ASTN2: variants seen among roughly 807,000 people sequenced by gnomAD.
The protein encoded by ASTN2 is astrotactin-2.
In ASTN2, 54 loss-of-function variants were observed where a neutral mutation model predicts 139.8. The observed-to-expected ratio is 0.39, with a 90% CI of 0.31 to 0.48. The LOEUF is 0.48. Among genes scored for constraint, ASTN2 ranks in the 20% least tolerant of loss-of-function variants. The pLI is 0.95. For missense variants in ASTN2, 1,565 were observed against 1,725.1 expected (o/e 0.91, Z 1.64); for synonymous variants, 756 against 719.5 (o/e 1.05, Z -0.81).
At chr9:117,382,274 G>T (rs942680519) in intron 1 of ASTN2, among the ~76,000 whole-genome samples, 2 of 152,150 alleles carry the variant, frequency 1.3e-5, no homozygotes, top group African/African-American at 4.8e-5. Context: ...AGTATGACTA[G>T]GTGTGGAGGA....
At chr9:116,475,434 C>T (rs768083877) in intron 20 of ASTN2, among the ~76,000 whole-genome samples, 9 of 152,300 alleles carry the variant, frequency 5.9e-5, no homozygotes, top group Non-Finnish European at 8.8e-5. Flanking sequence ...CACTGCCCAC[C>T]GAGACTTCCA....
intron 3 of ASTN2, among the ~76,000 whole-genome samples, chr9:117,177,370 T>G (rs975262761): frequency 6.6e-6 from 1 of 152,154 alleles, no homozygotes; most frequent in Non-Finnish European, 1.5e-5. Flanking sequence ...AGCTGTGAAG[T>G]GGAGAAACCT....
In ASTN2 at chr9:116,595,351, G is replaced by A. The variant is rs549208311; in HGVS notation, c.3355+22973C>T. Among the ~76,000 whole-genome samples, 28 of 147,130 alleles carry A rather than the reference G, an allele frequency of 1.9e-4. No homozygotes were observed. In the East Asian group the frequency reaches 5.2e-3, roughly 28 times the overall value. The stretch of plus-strand genomic sequence containing the variant: ...TTGTTGCTGTTGTTGTTGTTGAGAC[G>A]GAGTCTCACTCTGTTGCCCAGGCTG... On this transcript the variant is annotated intron_variant, in intron 19 of 22. Transcript: ENST00000313400.
At chr9:116,499,091 T>A (rs554102497) in intron 19 of ASTN2, among the ~76,000 whole-genome samples, 1 of 152,316 alleles carries the variant, frequency 6.6e-6, no homozygotes, top group East Asian at 1.9e-4. Context: ...AAATCCAAAC[T>A]GCCCACTCTC....
chr9:116,703,164 T>C (rs995028908), intron 16 of ASTN2, among the ~76,000 whole-genome samples: 4 of 151,430 alleles, frequency 2.6e-5, no homozygotes, highest in Admixed American at 2.6e-4. Context: ...TTTTAATGAT[T>C]GCCATTCTAA....
intron 7 of ASTN2, among the ~76,000 whole-genome samples, chr9:116,986,564 A>G (rs1016568445): frequency 6.6e-6 from 1 of 152,188 alleles, no homozygotes; most frequent in Non-Finnish European, 1.5e-5. Flanking sequence ...GGAGGGTAAC[A>G]ATAAGAGAAA....
chr9:117,293,962 T>C (rs1433571789), intron 1 of ASTN2, among the ~76,000 whole-genome samples: 1 of 152,204 alleles, frequency 6.6e-6, no homozygotes, highest in South Asian at 2.1e-4. Flanking sequence ...CTACATCTGG[T>C]TGACACAGCC....
Position 116,699,045 on chromosome 9 carries a change from G to A in ASTN2, c.2806+26726C>T, listed in dbSNP as rs1861037722. 6.8e-6 allele frequency: 11 copies of A among 1,614,160 alleles called. No homozygotes were observed. Among genetic ancestry groups the A allele is most frequent in the Non-Finnish European group, 6.8e-6 (8 of 1,180,030 alleles). On this transcript the variant is annotated intron_variant, in intron 16 of 22. Transcript: ENST00000313400. The surrounding 1 kb of genome is among the most constrained non-coding windows in gnomAD (Gnocchi z 4.2). ...ACCCAACCTCACTCCTCTCTCAGTG[G>A]CAATGAACTGCCAGGGGCTGATTGG...
At chr9:116,803,517 TA>T (rs1830944984) in intron 13 of ASTN2, among the ~76,000 whole-genome samples, 243 of 8,360 alleles carry the variant, frequency 0.029, 1 homozygote, top group Non-Finnish European at 0.031. Context: ...TATATATATA[TA>T]TATATTTTTT....
intron 1 of ASTN2, among the ~76,000 whole-genome samples, chr9:117,405,839 T>G (rs868797463): frequency 2.6e-5 from 4 of 152,150 alleles, no homozygotes; most frequent in African/African-American, 9.7e-5. Flanking sequence ...CAAGACAGAG[T>G]CTTCTCCAAA....
intron 1 of ASTN2, among the ~76,000 whole-genome samples, chr9:117,400,544 T>TC: frequency 6.6e-6 from 1 of 152,202 alleles, no homozygotes; most frequent in Non-Finnish European, 1.5e-5. Flanking sequence ...CTTTGGGCAG[T>TC]CCCCCTCCCT....
chr9:116,745,596 C>T (rs1005693626), intron 13 of ASTN2, among the ~76,000 whole-genome samples: 6 of 152,188 alleles, frequency 3.9e-5, no homozygotes, highest in Non-Finnish European at 7.3e-5. Flanking sequence ...ATCTATATAA[C>T]TAGTTTCCCT....
intron 1 of ASTN2, among the ~76,000 whole-genome samples, chr9:117,396,846 G>A (rs557766722): frequency 7.2e-5 from 11 of 151,812 alleles, no homozygotes; most frequent in Non-Finnish European, 1.0e-4. Flanking sequence ...GATTACAGGC[G>A]TGAGCCACCA....
At chr9:117,009,853 T>A (rs1837465484) in intron 6 of ASTN2, among the ~76,000 whole-genome samples, 1 of 152,088 alleles carries the variant, frequency 6.6e-6, no homozygotes, top group Admixed American at 6.6e-5. Flanking sequence ...ACAGCTGTGG[T>A]CCAATGAGCA....
chr9:116,840,078 C>T (rs1459902899), intron 11 of ASTN2, among the ~76,000 whole-genome samples: 2 of 148,000 alleles, frequency 1.4e-5, no homozygotes, highest in African/African-American at 5.1e-5. Flanking sequence ...GGTGATGACT[C>T]TTAAGGAGCA....
At chr9:117,184,290 C>G (rs1277919817) in intron 3 of ASTN2, among the ~76,000 whole-genome samples, 1 of 152,210 alleles carries the variant, frequency 6.6e-6, no homozygotes, top group Admixed American at 6.5e-5. Context: ...AAGGACATAG[C>G]TGGAGCTGTG....
intron 13 of ASTN2, among the ~76,000 whole-genome samples, chr9:116,735,128 G>T (rs570657476): frequency 1.3e-5 from 2 of 152,158 alleles, no homozygotes; most frequent in Non-Finnish European, 2.9e-5. Flanking sequence ...GTCTGGTTGG[G>T]CCTAAGACTG....
At chr9:116,621,506 A>T (rs1300150117) in intron 17 of ASTN2, among the ~76,000 whole-genome samples, 3 of 151,782 alleles carry the variant, frequency 2.0e-5, no homozygotes, top group Non-Finnish European at 4.4e-5. Flanking sequence ...CTGCACTCCA[A>T]TTTACTCTTT....
At chr9:116,469,318 C>A (rs937619861) in intron 20 of ASTN2, among the ~76,000 whole-genome samples, 1 of 151,602 alleles carries the variant, frequency 6.6e-6, no homozygotes, top group Non-Finnish European at 1.5e-5. Flanking sequence ...TTTTTTTTTC[C>A]ATAGTCCATG....
Sources: allele counts gnomAD v4.1 joint callset (sites outside exome capture counted in the v4.1 genomes callset), GRCh38; gene constraint gnomAD v4.1.1; non-coding constraint Gnocchi (gnomAD v3.1); transcripts MANE v1.5; gene names NCBI Gene and HGNC (gene_info 2026-07-23, HGNC 2026-07-21).